EDA: variants seen among roughly 807,000 people sequenced by gnomAD.
The protein encoded by EDA is ectodysplasin-A.
A neutral mutation model predicts 23.6 loss-of-function variants in EDA; 2 were observed. That is an observed-to-expected ratio of 0.08 (90% CI 0.03 to 0.27). EDA has a LOEUF of 0.27. Among genes scored for constraint, EDA ranks in the 10% least tolerant of loss-of-function variants. The pLI, the probability that EDA is intolerant of heterozygous loss-of-function variation, is 1.00. For missense variants in EDA, 229 were observed against 324.2 expected, an observed-to-expected ratio of 0.71 and a Z score of 2.26; for synonymous variants, 131 against 132.0, an observed-to-expected ratio of 0.99 and a Z score of 0.05.
At chrX:69,706,609 A>C (rs1321173815) in intron 1 of EDA, among the ~76,000 whole-genome samples, 1 of 93,892 alleles carries the variant, frequency 1.1e-5, no homozygotes, top group Non-Finnish European at 2.1e-5. Flanking sequence ...TCAGTCCAGA[A>C]AGGCAGGACA....
intron 2 of EDA, among the ~76,000 whole-genome samples, chrX:69,968,944 GA>G (rs1162319190): frequency 5.3e-5 from 6 of 112,353 alleles, no homozygotes; most frequent in African/African-American, 1.9e-4. Context: ...GTAAGCTTAT[GA>G]ATCTTGGCTG....
At chrX:69,682,540 C>T (rs745733085) in intron 1 of EDA, among the ~76,000 whole-genome samples, 13 of 112,415 alleles carry the variant, frequency 1.2e-4, no homozygotes, top group African/African-American at 4.2e-4. Context: ...GTTTTTTAAG[C>T]CCCTCGGAAA....
chrX:69,739,295 T>C (rs2013371355), intron 1 of EDA, among the ~76,000 whole-genome samples: 1 of 111,504 alleles, frequency 9.0e-6, no homozygotes, highest in Non-Finnish European at 1.9e-5. Flanking sequence ...GACATTAATA[T>C]TGCCACTCCA....
intron 1 of EDA, among the ~76,000 whole-genome samples, chrX:69,750,549 G>A (rs959821183): frequency 9.0e-6 from 1 of 110,663 alleles, no homozygotes; most frequent in Non-Finnish European, 1.9e-5. Context: ...GTAGTGGGAC[G>A]GCTGGGTCAA....
At chrX:69,776,592 G>A (rs954209062) in intron 1 of EDA, among the ~76,000 whole-genome samples, 2 of 110,995 alleles carry the variant, frequency 1.8e-5, no homozygotes, top group African/African-American at 6.6e-5. Flanking sequence ...CCAGTCTCGG[G>A]TATGTCTTTA....
At chrX:69,753,520 G>A (rs971188308) in intron 1 of EDA, among the ~76,000 whole-genome samples, 2 of 112,032 alleles carry the variant, frequency 1.8e-5, no homozygotes, top group Non-Finnish European at 3.8e-5. Flanking sequence ...TTTGGAATAA[G>A]TGCAATGTGG....
intron 2 of EDA, among the ~76,000 whole-genome samples, chrX:70,006,084 A>T (rs2019799346): frequency 8.9e-6 from 1 of 112,379 alleles, no homozygotes; most frequent in African/African-American, 3.2e-5. Context: ...ATATTCCATT[A>T]TATGGATGTC....
At chrX:69,731,240 A>G (rs749068526) in intron 1 of EDA, among the ~76,000 whole-genome samples, 25 of 110,914 alleles carry the variant, frequency 2.3e-4, no homozygotes, top group Non-Finnish European at 4.2e-4. Flanking sequence ...GTGTCTTCTT[A>G]CCTTTTTTTC....
intron 2 of EDA, among the ~76,000 whole-genome samples, chrX:69,966,318 G>A (rs745478068): frequency 4.5e-5 from 5 of 111,527 alleles, no homozygotes; most frequent in Admixed American, 1.9e-4. Context: ...AGTGGCTCAC[G>A]CCTGTAATCC....
At chrX:69,906,833 T>G (rs1052194247) in intron 1 of EDA, among the ~76,000 whole-genome samples, 1 of 112,427 alleles carries the variant, frequency 8.9e-6, no homozygotes, top group Non-Finnish European at 1.9e-5. Context: ...AAAAGAATAC[T>G]TTTAGCTAAA....
intron 1 of EDA, among the ~76,000 whole-genome samples, chrX:69,670,640 C>T (rs1201002871): frequency 9.2e-5 from 10 of 108,874 alleles, no homozygotes; most frequent in Non-Finnish European, 1.3e-4. Flanking sequence ...AAAAAAAAAC[C>T]ACCATCTTCA....
intron 1 of EDA, among the ~76,000 whole-genome samples, chrX:69,661,935 A>G (rs1182175312): frequency 1.8e-5 from 2 of 112,122 alleles, no homozygotes; most frequent in Admixed American, 1.9e-4. Context: ...TAATGTATCC[A>G]TCATCTCACA....
chrX:69,713,214 T>C (rs2012159537), intron 1 of EDA, among the ~76,000 whole-genome samples: 3 of 112,065 alleles, frequency 2.7e-5, no homozygotes, highest in South Asian at 7.5e-4. Context: ...AAGTATATTT[T>C]AAAAAGAGGA....
chrX:69,671,070 G>T (rs1282174873), intron 1 of EDA, among the ~76,000 whole-genome samples: 1 of 111,434 alleles, frequency 9.0e-6, no homozygotes, highest in Non-Finnish European at 1.9e-5. Context: ...AGTGGTTTTT[G>T]TATGGGAAGA....
chrX:69,878,099 G>C (rs1023240975), intron 1 of EDA, among the ~76,000 whole-genome samples: 12 of 111,284 alleles, frequency 1.1e-4, no homozygotes, highest in African/African-American at 3.9e-4. Context: ...TTTTTGAAAA[G>C]ATACAGTTTT....
intron 1 of EDA, among the ~76,000 whole-genome samples, chrX:69,650,714 T>C (rs1237290207): frequency 8.9e-6 from 1 of 111,920 alleles, no homozygotes; most frequent in East Asian, 2.8e-4. Context: ...ACAACTATTA[T>C]GTATCCATTA....
At chrX:69,989,480 T>G (rs775937924) in intron 2 of EDA, among the ~76,000 whole-genome samples, 6 of 111,284 alleles carry the variant, frequency 5.4e-5, no homozygotes, top group Non-Finnish European at 1.1e-4. Context: ...ATCCACAATT[T>G]CAAGATTAAA....
chrX:69,851,281 C>CCT (rs1316686593), intron 1 of EDA, among the ~76,000 whole-genome samples: 6,639 of 110,814 alleles, frequency 0.06, 203 homozygotes, highest in Middle Eastern at 0.092. Context: ...ATCAGGTCTT[C>CCT]TCACCCTGCT....
intron 1 of EDA, among the ~76,000 whole-genome samples, chrX:69,912,506 G>A (rs1003196132): frequency 9.0e-6 from 1 of 111,645 alleles, no homozygotes; most frequent in Non-Finnish European, 1.9e-5. Flanking sequence ...TGATCCACAG[G>A]CTGCAGAATG....
Sources: allele counts gnomAD v4.1 joint callset (sites outside exome capture counted in the v4.1 genomes callset), GRCh38; gene constraint gnomAD v4.1.1; transcripts MANE v1.5; gene names NCBI Gene and HGNC (gene_info 2026-07-23, HGNC 2026-07-21).